Variants in NSF observed in about 807,000 individuals in gnomAD.
NSF encodes the protein N-ethylmaleimide sensitive factor, vesicle fusing ATPase.
A neutral mutation model predicts 50.3 loss-of-function variants in NSF; 14 were observed. The observed-to-expected ratio is 0.28, with a 90% CI of 0.18 to 0.44. NSF has a LOEUF of 0.44. Among genes scored for constraint, NSF ranks in the 20% least tolerant of loss-of-function variants. The pLI is 1.00. For missense variants in NSF, 218 were observed against 504.3 expected, an observed-to-expected ratio of 0.43 and a Z score of 5.44; for synonymous variants, 109 against 175.7, an observed-to-expected ratio of 0.62 and a Z score of 3.00.
chr17:46,675,700 A>G (rs1243299741), intron 9 of NSF, among the ~76,000 whole-genome samples: 2 of 133,478 alleles, frequency 1.5e-5, no homozygotes, highest in African/African-American at 6.1e-5. Context: ...GTTCTGATTA[A>G]TTATCCTAAT....
At chr17:46,735,427 C>T (rs964683155) in intron 17 of NSF, among the ~76,000 whole-genome samples, 1 of 151,566 alleles carries the variant, frequency 6.6e-6, no homozygotes, top group Non-Finnish European at 1.5e-5. Flanking sequence ...TAAGAGCACC[C>T]TTTCTGTAGA....
chr17:46,751,722 A>T (rs1420992489), intron 19 of NSF, 106 bp downstream of exon 19: 1 of 599,134 alleles, frequency 1.7e-6, no homozygotes, highest in East Asian at 3.0e-5. Flanking sequence ...TTAAGTTTTG[A>T]TTTTCTTATA....
chr17:46,750,049 T>A, intron 18 of NSF, 142 bp downstream of exon 18: 1 of 895,666 alleles, frequency 1.1e-6, no homozygotes, highest in Non-Finnish European at 1.6e-6. Context: ...TGTATATACC[T>A]TATCCAAAAT....
intron 17 of NSF, among the ~76,000 whole-genome samples, chr17:46,734,759 C>T (rs1306877070): frequency 6.6e-6 from 1 of 152,008 alleles, no homozygotes; most frequent in Non-Finnish European, 1.5e-5. Flanking sequence ...TCAAATGTAT[C>T]AAAAACAGTG....
At chr17:46,667,442 G>A (rs1012328818) in intron 8 of NSF, among the ~76,000 whole-genome samples, 15 of 148,600 alleles carry the variant, frequency 1.0e-4, no homozygotes, top group African/African-American at 3.5e-4. Flanking sequence ...GGTGATAGAC[G>A]ATGTCAGGTT....
intron 17 of NSF, among the ~76,000 whole-genome samples, chr17:46,737,804 G>T (rs1030132302): frequency 2.6e-5 from 4 of 152,008 alleles, no homozygotes; most frequent in African/African-American, 9.7e-5. Flanking sequence ...CTTGAAAGAT[G>T]AGTAAAAGGG....
At chr17:46,633,511 G>A (rs1438140332) in intron 4 of NSF, among the ~76,000 whole-genome samples, 1 of 140,960 alleles carries the variant, frequency 7.1e-6, no homozygotes, top group Non-Finnish European at 1.6e-5. Context: ...CCAAAGTGCT[G>A]GGATTGCAGG....
At chr17:46,711,909 A>G (rs1023921224) in intron 14 of NSF, among the ~76,000 whole-genome samples, 1 of 152,168 alleles carries the variant, frequency 6.6e-6, no homozygotes, top group Non-Finnish European at 1.5e-5. Flanking sequence ...TTGAAAGAGA[A>G]AGGGAGATTA....
At chr17:46,726,996 C>A (rs2058895675) in intron 16 of NSF, among the ~76,000 whole-genome samples, 3 of 152,104 alleles carry the variant, frequency 2.0e-5, no homozygotes, top group Non-Finnish European at 1.5e-5. Context: ...GGTTTAGGAT[C>A]ACAGAGAAAT....
At chr17:46,676,163 T>G (rs997499587) in intron 9 of NSF, among the ~76,000 whole-genome samples, 122 of 142,866 alleles carry the variant, frequency 8.5e-4, no homozygotes, top group African/African-American at 3.1e-3. Context: ...CACAGGGAAA[T>G]TAACAAAAAA....
chr17:46,738,448 A>C (rs765286525), intron 17 of NSF, among the ~76,000 whole-genome samples: 1 of 152,204 alleles, frequency 6.6e-6, no homozygotes, highest in African/African-American at 2.4e-5. Context: ...AAAAATTGCT[A>C]CATACATTCT....
At chr17:46,688,385 A>G (rs1175016016) in intron 9 of NSF, among the ~76,000 whole-genome samples, 2 of 139,708 alleles carry the variant, frequency 1.4e-5, no homozygotes, top group Non-Finnish European at 3.1e-5. Context: ...CTTTACTGAG[A>G]GACGTAAAAG....
chr17:46,657,296 A>G (rs1218181426), intron 8 of NSF, among the ~76,000 whole-genome samples: 3 of 143,132 alleles, frequency 2.1e-5, no homozygotes, highest in Admixed American at 7.0e-5. Context: ...TGAAAAGTCA[A>G]ATGTTAAGGA....
At chr17:46,718,866 A>AT (rs1389213200) in intron 15 of NSF, among the ~76,000 whole-genome samples, 1 of 152,198 alleles carries the variant, frequency 6.6e-6, no homozygotes, top group African/African-American at 2.4e-5. Context: ...TTATACATAC[A>AT]TTTTTTATTA....
chr17:46,735,277 G>A (rs1332939488), intron 17 of NSF, among the ~76,000 whole-genome samples: 1 of 152,038 alleles, frequency 6.6e-6, no homozygotes, highest in East Asian at 1.9e-4. Context: ...TGCTAATAGT[G>A]TTGAGACGAA....
chr17:46,708,820 A>AT lies in NSF; in HGVS notation c.1471-2142dup, dbSNP rs1432167576. On this transcript the variant is annotated intron_variant, in intron 13 of 20. Transcript: ENST00000398238. ...CCATTTATTTTATATATATATATAT[A>AT]TATTTTTTTTTTTTTTTTTTTTTGA... 2.7e-3 allele frequency among the ~76,000 whole-genome samples: 269 copies of AT among 98,466 alleles called. 1 individual carries two copies. The highest frequency in any genetic ancestry group is 0.01 in the African/African-American group (252 of 24,152). The allele number at this position is 98,466 out of a possible 152,430, so 64.6% of individuals were successfully genotyped here.
chr17:46,615,727 A>T (rs1325813942), intron 1 of NSF, among the ~76,000 whole-genome samples: 2 of 49,986 alleles, frequency 4.0e-5, no homozygotes, highest in African/African-American at 1.0e-4. Context: ...ACAAAAAAAA[A>T]AAAAATGCTG....
At chr17:46,605,925 G>A (rs1463453922) in intron 1 of NSF, among the ~76,000 whole-genome samples, 2 of 51,370 alleles carry the variant, frequency 3.9e-5, no homozygotes, top group African/African-American at 1.1e-4. Flanking sequence ...TGAGGTGGGC[G>A]GATCACCTGA....
At chr17:46,747,347 C>T (rs1435527031) in intron 17 of NSF, among the ~76,000 whole-genome samples, 1 of 152,214 alleles carries the variant, frequency 6.6e-6, no homozygotes, top group East Asian at 1.9e-4. Context: ...GTGGTGCCAT[C>T]TCGGCTCACT....
Sources: allele counts gnomAD v4.1 joint callset (sites outside exome capture counted in the v4.1 genomes callset), GRCh38; gene constraint gnomAD v4.1.1; transcripts MANE v1.5; gene names NCBI Gene and HGNC (gene_info 2026-07-23, HGNC 2026-07-21).